The following ZNF92 variants were observed in gnomAD, a reference collection of about 807,000 sequenced individuals.
ZNF92 encodes the protein epididymis luminal protein 203.
Under a neutral mutation model 12.4 loss-of-function variants are expected in ZNF92, and 11 were observed. The observed-to-expected ratio is 0.89, with a 90% CI of 0.56 to 1.47. The LOEUF is 1.47. Ranked by LOEUF, ZNF92 falls within the 40% of genes most tolerant of loss-of-function variation. The pLI, the probability that ZNF92 is intolerant of heterozygous loss-of-function variation, is 0.00. For missense variants in ZNF92, 622 were observed against 681.0 expected (o/e 0.91, Z 0.96); for synonymous variants, 206 against 228.6 (o/e 0.90, Z 0.89).
chr7:65,395,369 A>G (rs2116397813), intron 3 of ZNF92, among the ~76,000 whole-genome samples: 1 of 152,226 alleles, frequency 6.6e-6, no homozygotes, highest in East Asian at 1.9e-4. Flanking sequence ...TCTTATATTA[A>G]TAAGACTTGG....
chr7:65,392,467 G>C (rs1389289861), intron 3 of ZNF92, among the ~76,000 whole-genome samples: 3 of 151,152 alleles, frequency 2.0e-5, no homozygotes, highest in African/African-American at 7.3e-5. Flanking sequence ...TCATTGCCAG[G>C]CATGGTGGTG....
At chr7:65,376,113 CT>C (rs1793229252) in intron 1 of ZNF92, among the ~76,000 whole-genome samples, 2 of 151,934 alleles carry the variant, frequency 1.3e-5, no homozygotes, top group Non-Finnish European at 2.9e-5. Flanking sequence ...GGGTTTCACT[CT>C]GTTGCCCAGG....
intron 3 of ZNF92, among the ~76,000 whole-genome samples, chr7:65,394,983 T>A (rs1014177936): frequency 6.6e-6 from 1 of 152,176 alleles, no homozygotes; most frequent in African/African-American, 2.4e-5. Context: ...AAAAATATGT[T>A]GAAGAATGTG....
intron 1 of ZNF92, among the ~76,000 whole-genome samples, chr7:65,375,405 G>A (rs1793212193): frequency 6.6e-6 from 1 of 152,026 alleles, no homozygotes; most frequent in Non-Finnish European, 1.5e-5. Context: ...GCAGGTGGAT[G>A]CCCTGGGGCT....
intron 1 of ZNF92, among the ~76,000 whole-genome samples, chr7:65,382,375 A>T (rs991711425): frequency 6.6e-6 from 1 of 152,052 alleles, no homozygotes; most frequent in Non-Finnish European, 1.5e-5. Context: ...TAAACTTACC[A>T]CACATGATAT....
At position 65,393,982 on chromosome 7, in the gene ZNF92, G is replaced by A. The variant is rs140275777; in HGVS notation, c.227-4359G>A. Among the ~76,000 whole-genome samples the A allele has an allele frequency of 3.3e-5, 5 of 151,130 alleles. No individual in the cohort carries two copies. The East Asian group carries it at 9.8e-4, about 29-fold the overall frequency. The stretch of plus-strand genomic sequence containing the variant: ...AGTTGTTTATATATTCTGAATATTA[G>A]CTCCTATCACATGTGATTTGCAAAC... On this transcript the variant is annotated intron_variant, in intron 3 of 3. Coordinates refer to ENST00000328747, the MANE Select transcript of ZNF92 (RefSeq NM_152626.4).
Position 65,399,789 on chromosome 7 carries a change from T to C in ZNF92, c.1675T>C (p.Tyr559His), listed in dbSNP as rs762416037. Reference sequence around the variant, plus strand: ...AACCCTTATTACACATCAGATAATTTATACTGGAGAGAAACCCTGCAAACA... The same window carrying C: ...AACCCTTATTACACATCAGATAATTCATACTGGAGAGAAACCCTGCAAACA... ...FSTLITHQII[Y>H]TGEKPCKHEC... Residue 559 changes from tyrosine to histidine, a missense_variant, in exon 4 of 4, where the codon TAT becomes CAT. By Grantham distance (83) the Tyr-to-His change is moderately conservative. Coordinates refer to ENST00000328747, the MANE Select transcript of ZNF92 (RefSeq NM_152626.4). The C allele has an allele frequency of 6.2e-7, 1 of 1,613,186 alleles. No individual in the cohort carries two copies. The highest frequency in any genetic ancestry group is 2.2e-5 in the East Asian group (1 of 44,810).
chr7:65,373,855 GTC>G lies in ZNF92; in HGVS notation c.-138_-137del, dbSNP rs1294205344. On this transcript the variant is annotated 5_prime_UTR_variant, in exon 1 of 4. Coordinates refer to ENST00000328747, the MANE Select transcript of ZNF92 (RefSeq NM_152626.4). ...GCTTCCGGGATTTGGCGGGGCCTTT[GTC>G]TCTCGCTGCAGCCGGCGCTCCACGT... 1 of 1,150,944 alleles carries G rather than the reference GTC, an allele frequency of 8.7e-7. No individual in the cohort carries two copies. The highest frequency in any genetic ancestry group is 1.3e-6 in the Non-Finnish European group (1 of 768,734). The allele number at this position is 1,150,944 out of a possible 1,614,324, so 71.3% of individuals were successfully genotyped here. A position where few individuals can be genotyped will look rare whatever the true frequency, so the allele number is the denominator to read the frequency against.
chr7:65,384,375 A>G (rs1470328372), intron 1 of ZNF92, among the ~76,000 whole-genome samples: 1 of 152,072 alleles, frequency 6.6e-6, no homozygotes, highest in Non-Finnish European at 1.5e-5. Flanking sequence ...GGCCTTATTG[A>G]AGTCTGGCTT....
chr7:65,388,963 C>T, intron 3 of ZNF92, 62 bp downstream of exon 3: 2 of 1,394,626 alleles, frequency 1.4e-6, no homozygotes, highest in Admixed American at 4.0e-5. Flanking sequence ...AGGAGAAGGC[C>T]AGTCATTTTT....
Position 65,399,268 on chromosome 7 carries a change from C to T in ZNF92, c.1154C>T (p.Thr385Ile). The change falls in exon 4 of 4, where the codon ACT becomes ATT. Residue 385 changes from threonine (T) to isoleucine (I), a missense_variant. Thr to Ile is a moderately conservative substitution (Grantham distance 89, BLOSUM62 -1). Coordinates refer to ENST00000328747, the MANE Select transcript of ZNF92 (RefSeq NM_152626.4). ...GKAFNQSSTLTKHKRIHTGEK... is the reference protein window; with the variant it reads ...GKAFNQSSTLIKHKRIHTGEK... ...GCCTTTAACCAGTCCTCAACCCTTA[C>T]TAAACATAAAAGAATTCATACGGGA... The T allele has an allele frequency of 6.2e-7, 1 of 1,610,822 alleles. No homozygotes were observed. Among genetic ancestry groups the T allele is most frequent in the Non-Finnish European group, 8.5e-7 (1 of 1,178,840 alleles).
chr7:65,392,320 T>C (rs4717249), intron 3 of ZNF92, among the ~76,000 whole-genome samples: 42,088 of 151,680 alleles, frequency 0.28, 7,662 homozygotes, highest in African/African-American at 0.49. Flanking sequence ...AAGAGAAACA[T>C]TTTTGTAATT....
chr7:65,399,738 T>C lies in ZNF92; in HGVS notation c.1624T>C (p.Cys542Arg). Reference protein sequence around the residue: ...TGEKPYKYEECDKAFNKFSTL... With the variant: ...TGEKPYKYEERDKAFNKFSTL... ...AGAGAAACCCTACAAATATGAAGAA[T>C]GTGACAAAGCCTTTAACAAGTTCTC... Residue 542 changes from cysteine (C) to arginine (R), a missense_variant, in exon 4 of 4, where the codon TGT (cysteine) becomes CGT (arginine). Transcript: ENST00000328747. 6.2e-7 allele frequency: 1 copy of C among 1,613,610 alleles called. No homozygotes were observed. The highest frequency in any genetic ancestry group is 8.5e-7 in the Non-Finnish European group (1 of 1,179,706).
intron 1 of ZNF92, among the ~76,000 whole-genome samples, chr7:65,383,665 C>T (rs1286758437): frequency 1.3e-5 from 2 of 152,152 alleles, no homozygotes; most frequent in South Asian, 2.1e-4. Context: ...AGAGCCATGA[C>T]TACAACTATA....
chr7:65,379,630 A>G (rs1038760737), intron 1 of ZNF92, among the ~76,000 whole-genome samples: 1 of 152,088 alleles, frequency 6.6e-6, no homozygotes, highest in African/African-American at 2.4e-5. Flanking sequence ...TCACCGCAGC[A>G]TTTTTGAACC....
At chr7:65,378,251 G>T (rs902972881) in intron 1 of ZNF92, among the ~76,000 whole-genome samples, 1 of 150,142 alleles carries the variant, frequency 6.7e-6, no homozygotes, top group East Asian at 2.0e-4. Flanking sequence ...TGAACTGAGC[G>T]TTACTGCACT....
chr7:65,395,734 T>C (rs1294121706), intron 3 of ZNF92, among the ~76,000 whole-genome samples: 1 of 152,152 alleles, frequency 6.6e-6, no homozygotes, highest in Non-Finnish European at 1.5e-5. Context: ...TTATATAATA[T>C]CAGTCTTTAT....
intron 3 of ZNF92, among the ~76,000 whole-genome samples, chr7:65,393,080 G>A (rs1247231484): frequency 6.6e-6 from 1 of 152,080 alleles, no homozygotes; most frequent in African/African-American, 2.4e-5. Flanking sequence ...CAGGCATGTT[G>A]ACTATATTCA....
chr7:65,374,158 A>G (rs1317570411), intron 1 of ZNF92, among the ~76,000 whole-genome samples, 158 bp downstream of exon 1: 1 of 151,482 alleles, frequency 6.6e-6, no homozygotes, highest in Non-Finnish European at 1.5e-5. Flanking sequence ...TCCTTCAGCC[A>G]TAAGATGGCG....
Sources: gnomAD v4.1 joint callset for allele counts (sites outside exome capture counted in the v4.1 genomes callset) on GRCh38, gnomAD v4.1.1 for gene constraint, MANE v1.5 for transcripts, NCBI Gene and HGNC (gene_info 2026-07-23, HGNC 2026-07-21) for gene names.